Variants in IPO11 observed in about 807,000 individuals in gnomAD.
IPO11 encodes importin-11.
In IPO11, 66 loss-of-function variants were observed where a neutral mutation model predicts 143.2. The observed-to-expected ratio is 0.46, with a 90% CI of 0.38 to 0.57. The LOEUF is 0.57. IPO11 is among the 20% of genes least tolerant of loss of function. The probability of loss-of-function intolerance (pLI) is 0.00; values close to 1 mark genes in which losing one functional copy is unlikely to be tolerated. For synonymous variants in IPO11, 385 were observed against 377.8 expected, an observed-to-expected ratio of 1.02 and a Z score of -0.22; for missense variants, 1,026 against 1,141.0, an observed-to-expected ratio of 0.90 and a Z score of 1.45.
At chr5:62,495,472 C>CT (rs796860120) in intron 16 of IPO11, among the ~76,000 whole-genome samples, 130 of 152,074 alleles carry the variant, frequency 8.5e-4, no homozygotes, top group African/African-American at 2.9e-3. Flanking sequence ...TGGAGTTTTT[C>CT]TTTTTTCTGT....
chr5:62,452,061 T>C, intron 5 of IPO11, 128 bp downstream of exon 5: 2 of 678,824 alleles, frequency 2.9e-6, no homozygotes, highest in Non-Finnish European at 5.1e-6. Flanking sequence ...CTGGCCAATA[T>C]GGTGAAACCC....
intron 27 of IPO11, chr5:62,579,887 G>GA: frequency 6.4e-7 from 1 of 1,550,734 alleles, no homozygotes; most frequent in Non-Finnish European, 8.7e-7. Context: ...GTTCCGAGAG[G>GA]AGTATTTAAT....
At chr5:62,615,599 A>G (rs1436524696) in intron 29 of IPO11, among the ~76,000 whole-genome samples, 1 of 152,202 alleles carries the variant, frequency 6.6e-6, no homozygotes. Context: ...CAAAATTTCA[A>G]CAAAGTGAGT....
intron 24 of IPO11, among the ~76,000 whole-genome samples, chr5:62,537,961 A>T (rs1448271905): frequency 6.6e-6 from 1 of 152,218 alleles, no homozygotes; most frequent in Non-Finnish European, 1.5e-5. Flanking sequence ...AACACAGCAC[A>T]TGTATACATA....
intron 27 of IPO11, among the ~76,000 whole-genome samples, chr5:62,582,068 G>C: frequency 6.6e-6 from 1 of 152,174 alleles, no homozygotes; most frequent in South Asian, 2.1e-4. Context: ...GAGAGATCAG[G>C]TGATGAAAGC....
At chr5:62,470,913 T>C (rs1364934851) in intron 7 of IPO11, among the ~76,000 whole-genome samples, 4 of 142,422 alleles carry the variant, frequency 2.8e-5, no homozygotes, top group African/African-American at 5.2e-5. Flanking sequence ...CTGCAACCTC[T>C]GCCTCCTGGG....
intron 20 of IPO11, among the ~76,000 whole-genome samples, chr5:62,518,136 C>T (rs1742087037): frequency 3.1e-5 from 4 of 131,124 alleles, no homozygotes; most frequent in Non-Finnish European, 6.6e-5. Context: ...AACCCCGTGC[C>T]TACTAAAAAA....
intron 28 of IPO11, among the ~76,000 whole-genome samples, chr5:62,600,102 G>T (rs966522409): frequency 2.0e-5 from 3 of 152,112 alleles, no homozygotes; most frequent in Admixed American, 6.5e-5. Flanking sequence ...GCAGTGGCAC[G>T]ATCTTGGCTC....
intron 6 of IPO11, among the ~76,000 whole-genome samples, chr5:62,468,924 G>A (rs1006671920): frequency 1.2e-4 from 19 of 152,112 alleles, no homozygotes; most frequent in Non-Finnish European, 4.4e-5. Flanking sequence ...CGTGCATTTA[G>A]TATCTTTTAG....
chr5:62,531,976 C>T (rs543032594), intron 22 of IPO11, among the ~76,000 whole-genome samples: 1 of 152,238 alleles, frequency 6.6e-6, no homozygotes, highest in South Asian at 2.1e-4. Flanking sequence ...CTTTTTAGTT[C>T]TGTTCTACCT....
intron 5 of IPO11, among the ~76,000 whole-genome samples, chr5:62,462,692 G>A (rs765778150): frequency 1.3e-5 from 2 of 151,782 alleles, no homozygotes; most frequent in Non-Finnish European, 2.9e-5. Context: ...CACTATGCCC[G>A]GCCACTATAA....
At chr5:62,522,288 G>T (rs1219430876) in intron 20 of IPO11, among the ~76,000 whole-genome samples, 31 of 140,196 alleles carry the variant, frequency 2.2e-4, no homozygotes, top group African/African-American at 8.0e-4. Flanking sequence ...ATTGTGGTGG[G>T]TTTTTTTTTT....
At chr5:62,520,032 A>G (rs1257970606) in intron 20 of IPO11, among the ~76,000 whole-genome samples, 2 of 152,116 alleles carry the variant, frequency 1.3e-5, no homozygotes, top group Non-Finnish European at 2.9e-5. Flanking sequence ...CGAGGGTTTT[A>G]ATCTGTGACC....
chr5:62,600,479 A>G (rs1745466521), intron 28 of IPO11, among the ~76,000 whole-genome samples: 1 of 152,262 alleles, frequency 6.6e-6, no homozygotes, highest in South Asian at 2.1e-4. Context: ...ATCCATAGTC[A>G]TTGCAGTTAG....
At chr5:62,454,326 CT>C (rs1343221679) in intron 5 of IPO11, among the ~76,000 whole-genome samples, 22 of 152,166 alleles carry the variant, frequency 1.4e-4, no homozygotes, top group Non-Finnish European at 2.4e-4. Flanking sequence ...TCCTTTTCCT[CT>C]GTTTTGTCCT....
At chr5:62,587,666 A>G (rs1744846685) in intron 27 of IPO11, among the ~76,000 whole-genome samples, 1 of 152,212 alleles carries the variant, frequency 6.6e-6, no homozygotes, top group Non-Finnish European at 1.5e-5. Context: ...AGTTTAAGAG[A>G]TTTAGAGACT....
chr5:62,419,970 T>C (rs923206549), intron 1 of IPO11, among the ~76,000 whole-genome samples: 1 of 152,034 alleles, frequency 6.6e-6, no homozygotes, highest in Admixed American at 6.6e-5. Context: ...CATTGCTCTC[T>C]ACCTCAGGTG....
In IPO11 at chr5:62,628,132, CCCACG is replaced by C. The variant is rs1449247409; in HGVS notation, c.*815_*819del. 1 of 151,694 alleles carries C rather than the reference CCCACG, an allele frequency of 6.6e-6. No individual in the cohort carries two copies. The highest frequency in any genetic ancestry group is 6.6e-5 in the Admixed American group (1 of 15,194). 9.4% of individuals were successfully genotyped at this position (151,694 alleles called of 1,614,324 possible). ...CCAGTCCCACCTGTGCTGTGACAGT[CCCACG>C]TGGCTATGACAGACTGTTTAGTACT... On this transcript the variant is annotated 3_prime_UTR_variant, in exon 30 of 30. Coordinates refer to ENST00000325324, the MANE Select transcript of IPO11 (RefSeq NM_016338.5).
chr5:62,473,179 CTTCT>C (rs1401516276), intron 7 of IPO11, among the ~76,000 whole-genome samples: 1 of 151,994 alleles, frequency 6.6e-6, no homozygotes, highest in Non-Finnish European at 1.5e-5. Flanking sequence ...CTGAAGTTTT[CTTCT>C]TTTTTTAAAT....
Sources: gnomAD v4.1 joint callset for allele counts (sites outside exome capture counted in the v4.1 genomes callset) on GRCh38, gnomAD v4.1.1 for gene constraint, MANE v1.5 for transcripts, NCBI Gene and HGNC (gene_info 2026-07-23, HGNC 2026-07-21) for gene names.